Variants in NTRK2 observed in about 807,000 individuals in gnomAD.
The protein encoded by NTRK2 is neurotrophic receptor tyrosine kinase 2.
NTRK2 carries 13 observed loss-of-function variants against 94.5 expected under a neutral mutation model. That is an observed-to-expected ratio of 0.14 (90% CI 0.09 to 0.22). NTRK2 has a LOEUF of 0.22. Ranked by LOEUF, NTRK2 falls within the 10% of genes least tolerant of loss-of-function variation. The pLI is 1.00. For synonymous variants in NTRK2, 372 were observed against 407.4 expected, an observed-to-expected ratio of 0.91 and a Z score of 1.05; for missense variants, 639 against 1,071.2, an observed-to-expected ratio of 0.60 and a Z score of 5.63.
At chr9:84,991,497 C>A (rs190211475) in intron 17 of NTRK2, among the ~76,000 whole-genome samples, 4 of 152,136 alleles carry the variant, frequency 2.6e-5, no homozygotes, top group African/African-American at 9.7e-5. Flanking sequence ...GGTTCTCAAC[C>A]GTGGAAGCTC....
intron 12 of NTRK2, among the ~76,000 whole-genome samples, chr9:84,849,574 G>A (rs2074651342): frequency 6.6e-6 from 1 of 152,124 alleles, no homozygotes; most frequent in African/African-American, 2.4e-5. Context: ...TATCTACAAT[G>A]AACCAGGCAC....
chr9:84,823,237 A>G (rs1348247683), intron 12 of NTRK2, among the ~76,000 whole-genome samples: 2 of 152,226 alleles, frequency 1.3e-5, no homozygotes, highest in Non-Finnish European at 2.9e-5. Context: ...TTTCTCGCCT[A>G]CATACTAAAA....
chr9:84,689,236 A>G (rs2059899637), intron 2 of NTRK2, among the ~76,000 whole-genome samples: 1 of 152,276 alleles, frequency 6.6e-6, no homozygotes, highest in Non-Finnish European at 1.5e-5. Context: ...TGAGGCTAAG[A>G]GGACAGATGT....
chr9:84,800,328 G>T (rs369179786), intron 12 of NTRK2, among the ~76,000 whole-genome samples: 1 of 151,956 alleles, frequency 6.6e-6, no homozygotes, highest in Non-Finnish European at 1.5e-5. Flanking sequence ...CTCAGTCTCC[G>T]GAGTAGCTGG....
chr9:84,957,385 A>G (rs1588043857), intron 17 of NTRK2, among the ~76,000 whole-genome samples: 1 of 152,344 alleles, frequency 6.6e-6, no homozygotes, highest in African/African-American at 2.4e-5. Flanking sequence ...TAATTTAAAG[A>G]AAAATACCTA....
At chr9:84,790,486 C>T (rs774565437) in intron 12 of NTRK2, among the ~76,000 whole-genome samples, 13 of 152,114 alleles carry the variant, frequency 8.5e-5, no homozygotes, top group East Asian at 7.7e-4. Context: ...GCTGAATAGA[C>T]GAACATAAAA....
At position 84,742,895 on chromosome 9, in the gene NTRK2, A is replaced by G. The variant is rs1588300859; in HGVS notation, c.1195+968A>G. 1.4e-5 allele frequency among the ~76,000 whole-genome samples: 2 copies of G among 145,408 alleles called. 1 individual carries two copies. The highest frequency in any genetic ancestry group is 4.4e-4 in the South Asian group (2 of 4,512). On this transcript the variant is annotated intron_variant, in intron 10 of 18. Transcript: ENST00000277120. ...TGCTCACTGCAACCTCCGCCTCCCG[A>G]GTTCAAGCGATTCTCCTGCCTCAGC...
chr9:84,710,493 T>A (rs2131828488), intron 5 of NTRK2, 144 bp from the exon 6 acceptor site: 1 of 808,568 alleles, frequency 1.2e-6, no homozygotes, highest in Middle Eastern at 3.3e-4. Flanking sequence ...GAAGGAATAA[T>A]AAGTACTGTC....
At chr9:85,001,793 A>C (rs1830367158) in intron 17 of NTRK2, among the ~76,000 whole-genome samples, 1 of 152,232 alleles carries the variant, frequency 6.6e-6, no homozygotes. Flanking sequence ...TCCAGCTGTG[A>C]GATGCTGCGC....
At chr9:84,687,946 C>T (rs531365967) in intron 2 of NTRK2, among the ~76,000 whole-genome samples, 10 of 152,226 alleles carry the variant, frequency 6.6e-5, no homozygotes, top group African/African-American at 1.9e-4. Context: ...ATGGACAGTT[C>T]GGCCTACACA....
chr9:84,867,107 T>C (rs2075629884), intron 13 of NTRK2, 136 bp from the exon 14 acceptor site: 1 of 779,664 alleles, frequency 1.3e-6, no homozygotes, highest in South Asian at 1.7e-5. Flanking sequence ...TAGATTATAG[T>C]GATTATTGTA....
chr9:84,919,476 G>A (rs2077495781), intron 14 of NTRK2, among the ~76,000 whole-genome samples: 1 of 152,150 alleles, frequency 6.6e-6, no homozygotes, highest in African/African-American at 2.4e-5. Context: ...TTAAGGCCTG[G>A]CTCTTTAACT....
chr9:84,737,603 C>T (rs184265255), intron 9 of NTRK2, among the ~76,000 whole-genome samples: 7 of 152,218 alleles, frequency 4.6e-5, no homozygotes, highest in African/African-American at 1.4e-4. Flanking sequence ...GTCAGGAGTG[C>T]GGCTGTGGCT....
chr9:84,729,363 T>G lies in NTRK2; in HGVS notation c.1159+1404T>G, dbSNP rs118153232. ...CCAGACACCCCTGGCTGTTGCTGTCTTTTCCATTAAATCTTCCTCTTAATT... is the reference window on the plus strand; with the variant it reads ...CCAGACACCCCTGGCTGTTGCTGTCGTTTCCATTAAATCTTCCTCTTAATT... On this transcript the variant is annotated intron_variant, in intron 9 of 18. Coordinates refer to ENST00000277120, the MANE Select transcript of NTRK2 (RefSeq NM_006180.6). Among the ~76,000 whole-genome samples the G allele has an allele frequency of 9.1e-3, 1,389 of 152,308 alleles. 8 individuals carry two copies. Among genetic ancestry groups the G allele is most frequent in the Non-Finnish European group, 0.015 (1,040 of 68,024 alleles).
intron 14 of NTRK2, chr9:84,874,010 CA>C: frequency 9.4e-7 from 1 of 1,064,160 alleles, no homozygotes; most frequent in Non-Finnish European, 1.1e-6. Context: ...TTCACCAAAG[CA>C]TCAGTGATGT....
intron 17 of NTRK2, among the ~76,000 whole-genome samples, chr9:85,011,061 G>T (rs995601992): frequency 6.6e-6 from 1 of 152,132 alleles, no homozygotes; most frequent in Non-Finnish European, 1.5e-5. Flanking sequence ...CTGCAAAGGG[G>T]TGTGTAGGAG....
At chr9:84,796,618 T>C (rs1402172299) in intron 12 of NTRK2, among the ~76,000 whole-genome samples, 1 of 152,210 alleles carries the variant, frequency 6.6e-6, no homozygotes. Context: ...TATGATGTCA[T>C]AGGATTACAA....
intron 17 of NTRK2, among the ~76,000 whole-genome samples, chr9:84,980,476 A>G (rs1305300032): frequency 6.6e-6 from 1 of 152,224 alleles, no homozygotes; most frequent in Non-Finnish European, 1.5e-5. Flanking sequence ...GTTGCACAGC[A>G]TTCACCAATA....
intron 13 of NTRK2, 22 bp downstream of exon 13, chr9:84,861,109 T>G (rs778892131): frequency 1.1e-5 from 18 of 1,585,628 alleles, no homozygotes; most frequent in Non-Finnish European, 1.5e-5. Flanking sequence ...ACTCACTCCT[T>G]CTTTGGATAA....
Sources: gnomAD v4.1 joint callset for allele counts (sites outside exome capture counted in the v4.1 genomes callset) on GRCh38, gnomAD v4.1.1 for gene constraint, MANE v1.5 for transcripts, NCBI Gene and HGNC (gene_info 2026-07-23, HGNC 2026-07-21) for gene names.